KCND3: variants seen among roughly 807,000 people sequenced by gnomAD.
KCND3 encodes the protein potassium voltage-gated channel subfamily D member 3, also known as A-type voltage-gated potassium channel KCND3.
A neutral mutation model predicts 51.1 loss-of-function variants in KCND3; 9 were observed. The observed-to-expected ratio is 0.18, with a 90% confidence interval of 0.11 to 0.31. The LOEUF is 0.31. Ranked by LOEUF, KCND3 falls within the 10% of genes least tolerant of loss-of-function variation. KCND3 has a pLI of 1.00. For missense variants in KCND3, 526 were observed against 903.8 expected (o/e 0.58, Z 5.36); for synonymous variants, 349 against 368.0 (o/e 0.95, Z 0.59).
At chr1:111,788,388 G>A (rs1013866126) in intron 2 of KCND3, among the ~76,000 whole-genome samples, 4 of 152,210 alleles carry the variant, frequency 2.6e-5, no homozygotes, top group Admixed American at 1.3e-4. Flanking sequence ...GGAAACCACG[G>A]GGCTTGGGTT....
chr1:111,811,662 T>C (rs1665857001), intron 2 of KCND3, among the ~76,000 whole-genome samples: 2 of 152,240 alleles, frequency 1.3e-5, no homozygotes, highest in African/African-American at 4.8e-5. Flanking sequence ...ATGGACTCTC[T>C]GCCTCTCCTC....
chr1:111,932,854 G>A (rs1183082265), intron 2 of KCND3, among the ~76,000 whole-genome samples: 2 of 152,208 alleles, frequency 1.3e-5, no homozygotes, highest in Admixed American at 1.3e-4. Flanking sequence ...TGATATGGTG[G>A]TATGCATTGC....
At chr1:111,955,902 A>G (rs1244443905) in intron 2 of KCND3, among the ~76,000 whole-genome samples, 1 of 152,152 alleles carries the variant, frequency 6.6e-6, no homozygotes, top group Non-Finnish European at 1.5e-5. Context: ...GGAACTAATA[A>G]GTAGTAGTTG....
At chr1:111,867,026 CAGTT>C (rs1397230282) in intron 2 of KCND3, among the ~76,000 whole-genome samples, 1 of 152,180 alleles carries the variant, frequency 6.6e-6, no homozygotes, top group African/African-American at 2.4e-5. Context: ...CTCGCTCTGC[CAGTT>C]AGTCACCTGT....
At position 111,790,091 on chromosome 1, in the gene KCND3, T is replaced by C. The variant is rs540338687; in HGVS notation, c.1107-2985A>G. Among the ~76,000 whole-genome samples, 7 of 152,316 alleles carry C rather than the reference T, an allele frequency of 4.6e-5. No individual in the cohort carries two copies. The South Asian group carries it at 1.5e-3, about 32-fold the overall frequency. ...ATCTCAAGTTAGGTCTCCAGTGGTA[T>C]GTTCCGGAATTTTTCAACAACTTAT... On this transcript the variant is annotated intron_variant, in intron 2 of 7. Transcript: ENST00000302127.
chr1:111,777,412 T>C, intron 6 of KCND3, 139 bp from the exon 7 acceptor site: 2 of 884,096 alleles, frequency 2.3e-6, no homozygotes, highest in South Asian at 2.7e-5. Context: ...CAGATAAGCA[T>C]TCAGGAGGGG....
intron 2 of KCND3, among the ~76,000 whole-genome samples, chr1:111,886,335 A>G (rs1159168052): frequency 6.6e-6 from 1 of 152,218 alleles, no homozygotes; most frequent in African/African-American, 2.4e-5. Context: ...TCTGTCTGCT[A>G]TATTTTTGGA....
intron 2 of KCND3, among the ~76,000 whole-genome samples, chr1:111,831,046 G>T (rs1003014725): frequency 1.3e-5 from 2 of 152,214 alleles, no homozygotes; most frequent in African/African-American, 4.8e-5. Flanking sequence ...AGTTAGGGTG[G>T]ATGCCTCAGG....
At chr1:111,854,569 C>G (rs1332779901) in intron 2 of KCND3, among the ~76,000 whole-genome samples, 1 of 152,200 alleles carries the variant, frequency 6.6e-6, no homozygotes, top group African/African-American at 2.4e-5. Flanking sequence ...AGGCAGGCGT[C>G]GGGTGAGACA....
intron 2 of KCND3, among the ~76,000 whole-genome samples, chr1:111,953,316 G>A (rs962372196): frequency 2.6e-5 from 4 of 152,190 alleles, no homozygotes; most frequent in Non-Finnish European, 5.9e-5. Flanking sequence ...GGTGTGCTGT[G>A]AGTGCTTCTC....
At chr1:111,846,238 C>T (rs1667541896) in intron 2 of KCND3, among the ~76,000 whole-genome samples, 1 of 152,220 alleles carries the variant, frequency 6.6e-6, no homozygotes, top group African/African-American at 2.4e-5. Flanking sequence ...TAACTATCAT[C>T]CACTTATACT....
At chr1:111,989,011 A>T (rs1675470976) in intron 1 of KCND3, 1 of 152,000 alleles carries the variant, frequency 6.6e-6, no homozygotes, top group Non-Finnish European at 1.5e-5. Context: ...CCTTTCCCAG[A>T]GCTCGCGGGG....
At chr1:111,909,960 A>G (rs1670851735) in intron 2 of KCND3, 1 of 152,252 alleles carries the variant, frequency 6.6e-6, no homozygotes, top group Non-Finnish European at 1.5e-5. Flanking sequence ...GCCACCAAGG[A>G]TGATGCCACT....
intron 2 of KCND3, among the ~76,000 whole-genome samples, chr1:111,901,516 G>T (rs1475645033): frequency 6.6e-6 from 1 of 152,170 alleles, no homozygotes; most frequent in African/African-American, 2.4e-5. Flanking sequence ...GCAGTGGCAG[G>T]CCCCTAGCTA....
chr1:111,884,650 C>A (rs1221692159), intron 2 of KCND3, among the ~76,000 whole-genome samples: 1 of 152,176 alleles, frequency 6.6e-6, no homozygotes, highest in Non-Finnish European at 1.5e-5. Context: ...GGACTCTCCC[C>A]ATGAGACTGG....
At chr1:111,817,824 GTCAATATGTGCAAAGCAGCC>G (rs1666165916) in intron 2 of KCND3, among the ~76,000 whole-genome samples, 1 of 152,188 alleles carries the variant, frequency 6.6e-6, no homozygotes, top group Non-Finnish European at 1.5e-5. Flanking sequence ...GATCTATTGC[GTCAATATGTGCAAAGCAGCC>G]ACTGTGCACA....
At chr1:111,806,877 C>T (rs1181549717) in intron 2 of KCND3, among the ~76,000 whole-genome samples, 1 of 152,202 alleles carries the variant, frequency 6.6e-6, no homozygotes, top group Non-Finnish European at 1.5e-5. Context: ...AAATACCCTA[C>T]ACTTCACTCA....
intron 2 of KCND3, among the ~76,000 whole-genome samples, chr1:111,854,449 G>C (rs1199780765): frequency 6.6e-6 from 1 of 152,152 alleles, no homozygotes; most frequent in Non-Finnish European, 1.5e-5. Flanking sequence ...TGTGGCTAGA[G>C]GGGCTTAGCC....
intron 2 of KCND3, among the ~76,000 whole-genome samples, chr1:111,861,211 G>A (rs965370784): frequency 2.6e-5 from 4 of 152,102 alleles, no homozygotes; most frequent in African/African-American, 7.2e-5. Flanking sequence ...ATAACAATGG[G>A]GTAGGGGCTT....
Sources: allele counts gnomAD v4.1 joint callset (sites outside exome capture counted in the v4.1 genomes callset), GRCh38; gene constraint gnomAD v4.1.1; transcripts MANE v1.5; gene names NCBI Gene and HGNC (gene_info 2026-07-23, HGNC 2026-07-21).